Variants in PKP4 observed in about 807,000 individuals in gnomAD.
PKP4 encodes the protein plakophilin 4.
PKP4 carries 90 observed loss-of-function variants against 145.1 expected under a neutral mutation model. The ratio of observed to expected loss-of-function variants is 0.62; its 90% CI spans 0.52 to 0.74. PKP4 has a LOEUF of 0.74. Ranked by LOEUF, PKP4 falls within the 30% of genes least tolerant of loss-of-function variation. The probability of loss-of-function intolerance (pLI) is 0.00; values close to 1 mark genes in which losing one functional copy is unlikely to be tolerated. For missense variants in PKP4, 1,340 were observed against 1,482.7 expected (o/e 0.90, Z 1.58); for synonymous variants, 563 against 577.2 (o/e 0.98, Z 0.35).
intron 19 of PKP4, among the ~76,000 whole-genome samples, chr2:158,674,980 G>A (rs1398903257): frequency 6.6e-6 from 1 of 152,176 alleles, no homozygotes; most frequent in Non-Finnish European, 1.5e-5. Flanking sequence ...TGTGCTTGTT[G>A]TGTATGGTAT....
intron 4 of PKP4, among the ~76,000 whole-genome samples, chr2:158,614,011 A>G (rs989117480): frequency 1.3e-5 from 2 of 152,202 alleles, no homozygotes; most frequent in Non-Finnish European, 1.5e-5. Context: ...CTCAAATGCA[A>G]TCAGGAAACC....
At chr2:158,541,073 T>C (rs1310163039) in intron 2 of PKP4, among the ~76,000 whole-genome samples, 1 of 152,134 alleles carries the variant, frequency 6.6e-6, no homozygotes, top group Non-Finnish European at 1.5e-5. Flanking sequence ...CAGCATTGAA[T>C]TCTCTGCTTT....
chr2:158,646,731 T>C (rs1016583149), intron 11 of PKP4, among the ~76,000 whole-genome samples: 4 of 152,118 alleles, frequency 2.6e-5, no homozygotes, highest in African/African-American at 9.7e-5. Context: ...TAGCACAGGG[T>C]TGGGGGAGAC....
intron 1 of PKP4, among the ~76,000 whole-genome samples, chr2:158,486,220 T>C (rs1190909310): frequency 6.6e-6 from 1 of 152,220 alleles, no homozygotes; most frequent in Non-Finnish European, 1.5e-5. Context: ...TATATGTGGA[T>C]ATGATATAAG....
chr2:158,630,684 C>T (rs1017710473), intron 7 of PKP4, among the ~76,000 whole-genome samples: 1 of 152,132 alleles, frequency 6.6e-6, no homozygotes, highest in African/African-American at 2.4e-5. Context: ...GCTTTGTGCC[C>T]AGAGAGAAGC....
chr2:158,643,998 T>C lies in PKP4; in HGVS notation c.1909+1299T>C, dbSNP rs181151273. Among the ~76,000 whole-genome samples the C allele has an allele frequency of 4.0e-4, 61 of 152,208 alleles. No homozygotes were observed. In the East Asian group the frequency reaches 9.1e-3, roughly 23 times the overall value. ...CCAGACTGGTCTCCAACTTCTGACC[T>C]CAGGTGATCCGCCCGCCTCAGCCTC... On this transcript the variant is annotated intron_variant, in intron 11 of 21. Transcript: ENST00000389759.
chr2:158,663,066 AGAG>A lies in PKP4; in HGVS notation c.2384_2386del (p.Arg795del). The A allele has an allele frequency of 6.2e-7, 1 of 1,610,746 alleles. No individual in the cohort carries two copies. On this transcript the variant is annotated inframe_deletion, in exon 14 of 22. Coordinates refer to ENST00000389759, the MANE Select transcript of PKP4 (RefSeq NM_003628.6). ...TGGGGGAAGAAGAAGAAAAAGAAAA[AGAG>A]GACTCCGCAAGAAGATCAAGTTAGC... is the stretch of plus-strand genomic sequence containing the variant.
rs371823906 is a variant in PKP4, at chr2:158,623,783, A to G, written c.604-1095A>G. Among the ~76,000 whole-genome samples the G allele has an allele frequency of 2.1e-3, 315 of 152,270 alleles. 2 individuals are homozygous for G. Among genetic ancestry groups the G allele is most frequent in the African/African-American group, 7.1e-3 (293 of 41,554 alleles). ...TAAAAGTGGATGTGGGTTGATGACA[A>G]CTAGACTCTAGCAGCCACTAAGGAG... On this transcript the variant is annotated intron_variant, in intron 6 of 21. Coordinates refer to ENST00000389759, the MANE Select transcript of PKP4 (RefSeq NM_003628.6).
intron 3 of PKP4, among the ~76,000 whole-genome samples, chr2:158,581,730 T>G (rs2048352132): frequency 6.6e-6 from 1 of 152,196 alleles, no homozygotes; most frequent in Non-Finnish European, 1.5e-5. Context: ...AAACTAGTCC[T>G]CTGCATATAT....
rs147133272 is a variant in PKP4, at chr2:158,609,495, T to A, written c.280+6391T>A. Among the ~76,000 whole-genome samples, 731 of 152,320 alleles carry A rather than the reference T, an allele frequency of 4.8e-3. 2 individuals are homozygous for A. The highest frequency in any genetic ancestry group is 0.016 in the African/African-American group (667 of 41,566). On this transcript the variant is annotated intron_variant, in intron 4 of 21. Transcript: ENST00000389759. Reference sequence around the variant, plus strand: ...CTCATTTATTTTTATACTTTGCATGTTTACTTTCAGACACTTTCTCTACCT... The same window carrying A: ...CTCATTTATTTTTATACTTTGCATGATTACTTTCAGACACTTTCTCTACCT...
chr2:158,576,896 A>G (rs2047904211), intron 2 of PKP4, among the ~76,000 whole-genome samples: 1 of 152,222 alleles, frequency 6.6e-6, no homozygotes, highest in East Asian at 1.9e-4. Context: ...AGTATAAGAA[A>G]TATAAAAACT....
At chr2:158,581,010 G>A (rs2048288927) in intron 3 of PKP4, among the ~76,000 whole-genome samples, 1 of 152,188 alleles carries the variant, frequency 6.6e-6, no homozygotes, top group Non-Finnish European at 1.5e-5. Flanking sequence ...TCATTGAATG[G>A]ATAATGAACC....
At chr2:158,550,122 C>G (rs2045466327) in intron 2 of PKP4, among the ~76,000 whole-genome samples, 1 of 105,988 alleles carries the variant, frequency 9.4e-6, no homozygotes, top group Non-Finnish European at 2.6e-5. Flanking sequence ...CAGAATAAAA[C>G]ATTACTTTTC....
intron 2 of PKP4, among the ~76,000 whole-genome samples, chr2:158,538,232 G>C (rs2044226160): frequency 6.6e-6 from 1 of 152,152 alleles, no homozygotes; most frequent in African/African-American, 2.4e-5. Context: ...ACAGGCACAA[G>C]GAAACAGTGA....
At position 158,522,271 on chromosome 2, in the gene PKP4, T is replaced by A. The variant is rs145473128; in HGVS notation, c.-5-10909T>A. Among the ~76,000 whole-genome samples the A allele has an allele frequency of 8.9e-3, 1,351 of 152,292 alleles. 20 individuals carry two copies. Among genetic ancestry groups the A allele is most frequent in the African/African-American group, 0.03 (1,240 of 41,564 alleles). On this transcript the variant is annotated intron_variant, in intron 1 of 21. Coordinates refer to ENST00000389759, the MANE Select transcript of PKP4 (RefSeq NM_003628.6). ...TAAGACAGATGATTTTGTGGACTAT[T>A]ATCAGCTCTGGTAAAAGAGATTACA... is the stretch of plus-strand genomic sequence containing the variant.
At chr2:158,626,926 T>C (rs934131070) in intron 7 of PKP4, among the ~76,000 whole-genome samples, 1 of 152,228 alleles carries the variant, frequency 6.6e-6, no homozygotes, top group Non-Finnish European at 1.5e-5. Context: ...CACTTCTTTT[T>C]ATTTCATTTT....
At chr2:158,509,793 CA>C (rs1377620956) in intron 1 of PKP4, among the ~76,000 whole-genome samples, 2 of 151,784 alleles carry the variant, frequency 1.3e-5, no homozygotes, top group Non-Finnish European at 2.9e-5. Flanking sequence ...ACTAAAAATA[CA>C]AAATTAGCCA....
chr2:158,666,190 G>A (rs1486546615), intron 15 of PKP4: 1 of 329,722 alleles, frequency 3.0e-6, no homozygotes, highest in Non-Finnish European at 5.5e-6. Flanking sequence ...ATGGTGGTTT[G>A]AGATTTTCAG....
intron 4 of PKP4, among the ~76,000 whole-genome samples, chr2:158,615,405 GTTCATTTCATTTTGTATTTATAATTC>G (rs987925163): frequency 2.0e-5 from 3 of 151,780 alleles, no homozygotes; most frequent in African/African-American, 7.3e-5. Flanking sequence ...TTTATGTCTT[GTTCATTTCATTTTGTATTTATAATTC>G]TTAGTTTCTT....
Sources: allele counts gnomAD v4.1 joint callset (sites outside exome capture counted in the v4.1 genomes callset), GRCh38; gene constraint gnomAD v4.1.1; transcripts MANE v1.5; gene names NCBI Gene and HGNC (gene_info 2026-07-23, HGNC 2026-07-21).